HMGXB3: variants seen among roughly 807,000 people sequenced by gnomAD.
The protein encoded by HMGXB3 is HMG domain-containing protein 3.
HMGXB3 carries 45 observed loss-of-function variants against 121.5 expected under a neutral mutation model. The observed-to-expected ratio is 0.37, with a 90% CI of 0.29 to 0.47. HMGXB3 has a LOEUF of 0.47. Ranked by LOEUF, HMGXB3 falls within the 20% of genes least tolerant of loss-of-function variation. HMGXB3 has a pLI of 0.99. For missense variants in HMGXB3, 1,376 were observed against 1,602.2 expected (o/e 0.86, Z 2.41); for synonymous variants, 590 against 624.1 (o/e 0.95, Z 0.81).
intron 16 of HMGXB3, among the ~76,000 whole-genome samples, chr5:150,046,355 G>A (rs1341755874): frequency 2.6e-5 from 4 of 152,158 alleles, no homozygotes; most frequent in Non-Finnish European, 5.9e-5. Context: ...AATGATATTC[G>A]TACATATGCA....
In HMGXB3 at chr5:150,052,292, G is replaced by T; in HGVS notation, c.*100G>T. 1 of 946,264 alleles carries T rather than the reference G, an allele frequency of 1.1e-6. No individual in the cohort carries two copies. The highest frequency in any genetic ancestry group is 1.6e-6 in the Non-Finnish European group (1 of 640,834). 58.6% of individuals were successfully genotyped at this position (946,264 alleles called of 1,614,324 possible). On this transcript the variant is annotated 3_prime_UTR_variant, in exon 20 of 20. Coordinates refer to ENST00000502717, the MANE Select transcript of HMGXB3 (RefSeq NM_014983.3). ...GGGACCTGCAGAAGTGGTCTCCTGTGGGGAGGGCCTCTGACTGCTGGGACT... is the reference window on the plus strand; with the variant it reads ...GGGACCTGCAGAAGTGGTCTCCTGTTGGGAGGGCCTCTGACTGCTGGGACT...
At chr5:150,049,543 C>T (rs1359471232) in intron 18 of HMGXB3, among the ~76,000 whole-genome samples, 1 of 152,194 alleles carries the variant, frequency 6.6e-6, no homozygotes, top group Admixed American at 6.5e-5. Context: ...GAAGCTGTGT[C>T]TGAAGGAGAT....
chr5:150,013,172 G>A lies in HMGXB3; in HGVS notation c.909+819G>A, dbSNP rs115571580. Among the ~76,000 whole-genome samples the A allele has an allele frequency of 1.6e-3, 245 of 152,304 alleles. 1 individual carries two copies. The highest frequency in any genetic ancestry group is 5.7e-3 in the African/African-American group (238 of 41,560). On this transcript the variant is annotated intron_variant, in intron 5 of 19. Transcript: ENST00000502717. ...CATCTTTGTCTTGTCCTCATGTAAG[G>A]AGGAAAGGATTCAGTCCTTCTTCAT...
chr5:150,041,754 GC>G (rs1756638819), intron 14 of HMGXB3, 30 bp from the exon 15 acceptor site: 1 of 1,531,360 alleles, frequency 6.5e-7, no homozygotes, highest in African/African-American at 1.4e-5. Flanking sequence ...CTTTTTCTGT[GC>G]CCTTCTCAGT....
At chr5:150,023,037 C>G (rs1170781018) in intron 6 of HMGXB3, among the ~76,000 whole-genome samples, 1 of 145,496 alleles carries the variant, frequency 6.9e-6, no homozygotes, top group African/African-American at 2.6e-5. Flanking sequence ...CCATGTTTCC[C>G]AAACTGGTCT....
chr5:150,012,388 G>A (rs1581248488), intron 5 of HMGXB3, 35 bp downstream of exon 5: 1 of 1,403,942 alleles, frequency 7.1e-7, no homozygotes, highest in African/African-American at 1.4e-5. Context: ...ATGGCAATTA[G>A]GGTGTCATAA....
chr5:150,013,332 A>G (rs1270416208), intron 5 of HMGXB3, among the ~76,000 whole-genome samples: 1 of 152,116 alleles, frequency 6.6e-6, no homozygotes, highest in Admixed American at 6.5e-5. Flanking sequence ...GTGTCTATTG[A>G]GAGTATTATA....
At position 150,036,659 on chromosome 5, in the gene HMGXB3, T is replaced by G; in HGVS notation, c.2007T>G (p.Asp669Glu). The G allele has an allele frequency of 6.5e-7, 1 of 1,548,790 alleles. No homozygotes were observed. The highest frequency in any genetic ancestry group is 8.7e-7 in the Non-Finnish European group (1 of 1,145,906). ...KAIEVSSPLP[D>E]VLNATEPLST... ...AGGAGGTGAGCTCACCACTCCCAGA[T>G]GTACTGAATGCCACAGAGCCCCTGA... The change falls in exon 12 of 20, where the codon GAT becomes GAG. Residue 669 changes from aspartate to glutamate, a missense_variant. Transcript: ENST00000502717.
In HMGXB3 at chr5:150,050,402, A is replaced by G; in HGVS notation, c.3352A>G (p.Thr1118Ala). The change falls in exon 19 of 20, where the codon ACT (threonine) becomes GCT (alanine). Residue 1118 changes from threonine to alanine, a missense_variant. Physicochemically the swap from Thr to Ala is moderately conservative, Grantham distance 58. Around this residue, in one of 2 missense-constraint regions of HMGXB3, gnomAD observed 1,116 missense variants for 1,369.0 expected, o/e 0.82. Coordinates refer to ENST00000502717, the MANE Select transcript of HMGXB3 (RefSeq NM_014983.3). Reference protein sequence around the residue: ...LCADLCYPELTNQMWGRNQGC... With the variant: ...LCADLCYPELANQMWGRNQGC... ...TGCTGACCTCTGCTACCCAGAGCTG[A>G]CTAACCAGATGTGGGGGAGGAACCA... The G allele has an allele frequency of 6.4e-7, 1 of 1,551,714 alleles. No homozygotes were observed. The highest frequency in any genetic ancestry group is 8.7e-7 in the Non-Finnish European group (1 of 1,146,990).
Position 150,010,475 on chromosome 5 carries a change from G to A in HMGXB3, c.677G>A (p.Ser226Asn), listed in dbSNP as rs1316398005. The A allele has an allele frequency of 1.3e-6, 2 of 1,551,650 alleles. No homozygotes were observed. The highest frequency in any genetic ancestry group is 1.2e-5 in the South Asian group (1 of 84,058). Residue 226 changes from serine to asparagine, a missense_variant, in exon 4 of 20, where the codon AGC (serine) becomes AAC (asparagine). Ser to Asn is a conservative substitution (Grantham distance 46). Transcript: ENST00000502717. Reference protein sequence around the residue: ...LEDASLEVGESHQPYQTSLVI... With the variant: ...LEDASLEVGENHQPYQTSLVI... ...GACGCTTCCCTAGAAGTAGGGGAGAGCCACCAACCTTACCAGACAAGCCTG... is the reference window on the plus strand; with the variant it reads ...GACGCTTCCCTAGAAGTAGGGGAGAACCACCAACCTTACCAGACAAGCCTG...
At position 150,007,638 on chromosome 5, in the gene HMGXB3, C is replaced by T. The variant is rs1308986957; in HGVS notation, c.312+991C>T. ...CCTACAGGCTTGGAGATGCTACTCT[C>T]TGCTCCCTCCTCTAGGTGATTTGTT... On this transcript the variant is annotated intron_variant, in intron 3 of 19. Transcript: ENST00000502717. Among the ~76,000 whole-genome samples, 4 of 152,330 alleles carry T rather than the reference C, an allele frequency of 2.6e-5. No individual in the cohort carries two copies. The East Asian group carries it at 7.7e-4, about 29-fold the overall frequency.
At chr5:150,036,546 C>T (rs998352072) in intron 11 of HMGXB3, 90 bp from the exon 12 acceptor site, 2 of 1,214,932 alleles carry the variant, frequency 1.6e-6, no homozygotes, top group South Asian at 1.6e-5. Flanking sequence ...TGGGCCCCAT[C>T]TGTCTGCTGC....
intron 6 of HMGXB3, among the ~76,000 whole-genome samples, 197 bp downstream of exon 6, chr5:150,018,894 C>G (rs1046953400): frequency 2.0e-5 from 3 of 152,162 alleles, no homozygotes. Context: ...AACTCATATA[C>G]CATCCAAAGA....
intron 1 of HMGXB3, among the ~76,000 whole-genome samples, chr5:150,001,805 A>AT: frequency 6.6e-6 from 1 of 152,192 alleles, no homozygotes; most frequent in South Asian, 2.1e-4. Context: ...GGTGGCTGTA[A>AT]TGAGTGTTTC....
At chr5:150,008,681 G>C (rs1285154133) in intron 3 of HMGXB3, among the ~76,000 whole-genome samples, 1 of 152,222 alleles carries the variant, frequency 6.6e-6, no homozygotes, top group African/African-American at 2.4e-5. Context: ...AGGCTCCAGT[G>C]ATATGCCTTC....
At chr5:150,046,326 A>G (rs534268418) in intron 16 of HMGXB3, among the ~76,000 whole-genome samples, 1 of 152,198 alleles carries the variant, frequency 6.6e-6, no homozygotes, top group South Asian at 2.1e-4. Context: ...TGAGAAATAC[A>G]TTTTGTGTCA....
At chr5:150,028,450 ATATATATATG>A (rs1756285290) in intron 9 of HMGXB3, among the ~76,000 whole-genome samples, 2 of 141,968 alleles carry the variant, frequency 1.4e-5, no homozygotes, top group East Asian at 4.0e-4. Context: ...ATGTGTGTGT[ATATATATATG>A]TATATATATG....
intron 6 of HMGXB3, among the ~76,000 whole-genome samples, chr5:150,023,413 G>A (rs1465448270): frequency 6.6e-6 from 1 of 152,128 alleles, no homozygotes; most frequent in Non-Finnish European, 1.5e-5. Context: ...AACTAATTAG[G>A]AGTGGAGCTA....
chr5:150,042,131 G>A (rs554676775), intron 15 of HMGXB3, among the ~76,000 whole-genome samples, 162 bp downstream of exon 15: 41 of 152,348 alleles, frequency 2.7e-4, no homozygotes, highest in African/African-American at 9.1e-4. Context: ...GGGAATGCCA[G>A]ATGGAAATGG....
Sources: allele counts gnomAD v4.1 joint callset (sites outside exome capture counted in the v4.1 genomes callset), GRCh38; gene constraint gnomAD v4.1.1; regional missense constraint gnomAD v4.1.1; transcripts MANE v1.5; gene names NCBI Gene and HGNC (gene_info 2026-07-23, HGNC 2026-07-21).